Variants in PTPRT observed in about 807,000 individuals in gnomAD.
PTPRT encodes receptor-type tyrosine-protein phosphatase T.
In PTPRT, 56 loss-of-function variants were observed where a neutral mutation model predicts 176.8. The ratio of observed to expected loss-of-function variants is 0.32; its 90% CI spans 0.26 to 0.40. The LOEUF is 0.40. PTPRT is among the 10% of genes least tolerant of loss of function. The pLI is 1.00. For missense variants in PTPRT, 1,540 were observed against 1,908.2 expected, an observed-to-expected ratio of 0.81 and a Z score of 3.60; for synonymous variants, 783 against 739.0, an observed-to-expected ratio of 1.06 and a Z score of -0.96.
At chr20:42,885,776 A>G (rs2079092092) in intron 2 of PTPRT, 31 bp downstream of exon 2, 4 of 1,588,096 alleles carry the variant, frequency 2.5e-6, no homozygotes. Flanking sequence ...AGCCATCCCC[A>G]TTACAGCCCC....
At chr20:42,369,121 C>T (rs945353381) in intron 9 of PTPRT, among the ~76,000 whole-genome samples, 6 of 151,540 alleles carry the variant, frequency 4.0e-5, no homozygotes, top group African/African-American at 1.2e-4. Flanking sequence ...TCCATCCGTC[C>T]GTCCATCAAT....
intron 1 of PTPRT, among the ~76,000 whole-genome samples, chr20:43,008,610 G>A (rs1432092376): frequency 6.6e-6 from 1 of 152,098 alleles, no homozygotes; most frequent in African/African-American, 2.4e-5. Flanking sequence ...GGCATCACTT[G>A]CATCCGGGAG....
chr20:42,854,126 C>T (rs539033320), intron 2 of PTPRT, among the ~76,000 whole-genome samples: 1 of 152,302 alleles, frequency 6.6e-6, no homozygotes, highest in Admixed American at 6.5e-5. Flanking sequence ...TCCTTATACC[C>T]AGAGTGTTTC....
chr20:42,061,144 A>G, the PTPRT span, among the ~76,000 whole-genome samples: 1 of 152,234 alleles, frequency 6.6e-6, no homozygotes, highest in Non-Finnish European at 1.5e-5. Flanking sequence ...GGCTTCATCT[A>G]TAAAGGTTTA....
intron 9 of PTPRT, among the ~76,000 whole-genome samples, chr20:42,401,150 A>AATAC: frequency 6.6e-6 from 1 of 151,806 alleles, no homozygotes; most frequent in African/African-American, 2.4e-5. Flanking sequence ...TAAATAAATA[A>AATAC]ATAAATAAAT....
chr20:42,461,285 C>T (rs996057583), intron 8 of PTPRT, among the ~76,000 whole-genome samples: 1 of 152,194 alleles, frequency 6.6e-6, no homozygotes, highest in Non-Finnish European at 1.5e-5. Flanking sequence ...CAAGATCGTG[C>T]CATTGCACTC....
chr20:42,905,471 A>G (rs572937295), intron 1 of PTPRT, among the ~76,000 whole-genome samples: 3 of 152,332 alleles, frequency 2.0e-5, no homozygotes, highest in African/African-American at 7.2e-5. Context: ...TGTTGGTGGG[A>G]GTGTAAATTA....
chr20:42,556,278 C>A (rs1306041441), intron 7 of PTPRT, among the ~76,000 whole-genome samples: 1 of 152,164 alleles, frequency 6.6e-6, no homozygotes, highest in Admixed American at 6.5e-5. Flanking sequence ...AGAAGTGTGA[C>A]TGAGTCTGCA....
At chr20:42,047,650 T>C in the PTPRT span, among the ~76,000 whole-genome samples, 3 of 152,230 alleles carry the variant, frequency 2.0e-5, no homozygotes, top group African/African-American at 7.2e-5. Context: ...TCCAGTAGGA[T>C]GGCTGTACCC....
chr20:43,078,364 G>C (rs992646802), intron 1 of PTPRT, among the ~76,000 whole-genome samples: 1 of 152,156 alleles, frequency 6.6e-6, no homozygotes, highest in South Asian at 2.1e-4. Context: ...TGAAGATAAG[G>C]AATAGATATC....
At chr20:42,994,992 G>C (rs753690112) in intron 1 of PTPRT, among the ~76,000 whole-genome samples, 1 of 152,176 alleles carries the variant, frequency 6.6e-6, no homozygotes, top group Non-Finnish European at 1.5e-5. Context: ...AGTTGGCCAA[G>C]AAGAACAGCA....
the PTPRT span, among the ~76,000 whole-genome samples, chr20:42,041,818 TATC>T: frequency 6.6e-6 from 1 of 152,214 alleles, no homozygotes; most frequent in Non-Finnish European, 1.5e-5. Flanking sequence ...CTATTATAAT[TATC>T]ATTATTATTG....
At chr20:42,883,817 TATGCAC>T (rs2079056057) in intron 2 of PTPRT, among the ~76,000 whole-genome samples, 6 of 47,176 alleles carry the variant, frequency 1.3e-4, no homozygotes, top group African/African-American at 1.8e-4. Context: ...TACACCCCCA[TATGCAC>T]ACACACACAC....
intron 1 of PTPRT, among the ~76,000 whole-genome samples, chr20:43,158,021 G>C (rs2014572896): frequency 9.2e-6 from 1 of 108,872 alleles, no homozygotes; most frequent in Admixed American, 1.1e-4. Flanking sequence ...GCCATCTTGA[G>C]AGTAGATTCT....
intron 3 of PTPRT, among the ~76,000 whole-genome samples, chr20:42,788,647 G>A (rs1403116008): frequency 7.2e-5 from 11 of 152,124 alleles, no homozygotes. Context: ...ACTCCTTTAA[G>A]TCTCCTGACA....
chr20:42,192,013 A>T (rs1991021860), intron 16 of PTPRT, among the ~76,000 whole-genome samples: 1 of 152,200 alleles, frequency 6.6e-6, no homozygotes, highest in Admixed American at 6.5e-5. Context: ...TGTTTAATAC[A>T]GCTCTTAGCT....
At chr20:42,943,516 C>A (rs1385957808) in intron 1 of PTPRT, among the ~76,000 whole-genome samples, 1 of 151,950 alleles carries the variant, frequency 6.6e-6, no homozygotes, top group African/African-American at 2.4e-5. Context: ...CAGCAGCAGC[C>A]TCTCCTAGGA....
chr20:42,733,560 G>A (rs1398654589), intron 6 of PTPRT, among the ~76,000 whole-genome samples: 1 of 152,186 alleles, frequency 6.6e-6, no homozygotes, highest in Non-Finnish European at 1.5e-5. Flanking sequence ...GGTCGAACTG[G>A]AGCTGGCTGG....
At chr20:42,664,958 T>A (rs2075287664) in intron 7 of PTPRT, among the ~76,000 whole-genome samples, 1 of 152,190 alleles carries the variant, frequency 6.6e-6, no homozygotes, top group African/African-American at 2.4e-5. Context: ...TCAAGATGGA[T>A]TAAAGACTTA....
Sources: allele counts gnomAD v4.1 joint callset (sites outside exome capture counted in the v4.1 genomes callset), GRCh38; gene constraint gnomAD v4.1.1; transcripts MANE v1.5; gene names NCBI Gene and HGNC (gene_info 2026-07-23, HGNC 2026-07-21).